NDUFS2: variants seen among roughly 807,000 people sequenced by gnomAD.
NDUFS2 encodes NADH dehydrogenase [ubiquinone] iron-sulfur protein 2, mitochondrial.
Under a neutral mutation model 69.6 loss-of-function variants are expected in NDUFS2, and 38 were observed. The ratio of observed to expected loss-of-function variants is 0.55; its 90% CI spans 0.42 to 0.72. NDUFS2 has a LOEUF of 0.72. Ranked by LOEUF, NDUFS2 falls within the 30% of genes least tolerant of loss-of-function variation. The pLI is 0.00. For missense variants in NDUFS2, 468 were observed against 595.0 expected (o/e 0.79, Z 2.22); for synonymous variants, 194 against 211.2 (o/e 0.92, Z 0.70).
At position 161,213,482 on chromosome 1, in the gene NDUFS2, A is replaced by C. The variant is rs36233987; in HGVS notation, c.1212+7A>C. 1 of 1,606,166 alleles carries C rather than the reference A, an allele frequency of 6.2e-7. No homozygotes were observed. Among genetic ancestry groups the C allele is most frequent in the East Asian group, 2.2e-5 (1 of 44,838 alleles). ...TGCCATTGAGGCTCCCAAGGTAAGG[A>C]GAGGAGGGGAAGGAAAAGACCATAT... On this transcript the variant is annotated splice_region_variant and intron_variant, in intron 11 of 13. Transcript: ENST00000676972.
intron 9 of NDUFS2, among the ~76,000 whole-genome samples, chr1:161,211,463 A>G (rs1437530782): frequency 6.6e-6 from 1 of 152,168 alleles, no homozygotes; most frequent in Non-Finnish European, 1.5e-5. Flanking sequence ...AGCCTGGCCA[A>G]CATGGTGAAA....
chr1:161,201,104 G>C (rs1023040439), upstream of NDUFS2, among the ~76,000 whole-genome samples: 1 of 152,190 alleles, frequency 6.6e-6, no homozygotes, highest in Non-Finnish European at 1.5e-5. Flanking sequence ...AAAGAGCAAG[G>C]AATGAGGACA....
rs1665816345 is a variant in NDUFS2 at position 161,212,332 on chromosome 1, T to C, written c.987-19T>C. Reference sequence around the variant, plus strand: ...GCTCCTCTGACTGTTCTTCTCTTGCTCTGTCTCATCTTCTTGAGGTACCTG... The same window carrying C: ...GCTCCTCTGACTGTTCTTCTCTTGCCCTGTCTCATCTTCTTGAGGTACCTG... On this transcript the variant is annotated intron_variant, in intron 9 of 13. Transcript: ENST00000676972. The C allele has an allele frequency of 1.2e-6, 2 of 1,613,064 alleles. No individual in the cohort carries two copies. Among genetic ancestry groups the C allele is most frequent in the African/African-American group, 1.3e-5 (1 of 74,878 alleles).
At chr1:161,203,016 C>T (rs1665234393) in intron 1 of NDUFS2, among the ~76,000 whole-genome samples, 1 of 152,028 alleles carries the variant, frequency 6.6e-6, no homozygotes, top group Admixed American at 6.6e-5. Context: ...TTAAAAAATC[C>T]AGGACATTGG....
intron 3 of NDUFS2, among the ~76,000 whole-genome samples, chr1:161,208,158 T>C (rs1314196975): frequency 6.6e-6 from 1 of 150,658 alleles, no homozygotes; most frequent in Non-Finnish European, 1.5e-5. Flanking sequence ...CTAATTTCTA[T>C]ATTTTTAGTA....
chr1:161,198,340 C>T (rs1470415008), upstream of NDUFS2: 1 of 1,613,252 alleles, frequency 6.2e-7, no homozygotes, highest in Non-Finnish European at 8.5e-7. The surrounding 1 kb of genome is among the most constrained non-coding windows in gnomAD (Gnocchi z 4.7). Context: ...AGTCCTGCTC[C>T]AGCTCTAGTA....
rs768461499 is a variant in NDUFS2 at position 161,210,657 on chromosome 1, C to T, written c.933C>T (p.Tyr311=). The T allele has an allele frequency of 2.0e-5, 33 of 1,614,014 alleles. No homozygotes were observed. The East Asian group carries it at 2.2e-4, about 11-fold the overall frequency. The change falls in exon 9 of 14, where the codon TAC becomes TAT. Residue 311 remains tyrosine, a synonymous_variant. Transcript: ENST00000676972. ...DLRKTQPYDV[Y]DQVEFDVPVG... is the part of the protein sequence containing the mutation. Reference sequence around the variant, plus strand: ...GGAAGACCCAGCCCTATGATGTTTACGACCAGGTTGAGTTTGATGTTCCTG... The same window carrying T: ...GGAAGACCCAGCCCTATGATGTTTATGACCAGGTTGAGTTTGATGTTCCTG...
At chr1:161,204,522 C>T (rs758442456) in intron 2 of NDUFS2, among the ~76,000 whole-genome samples, 7 of 151,966 alleles carry the variant, frequency 4.6e-5, no homozygotes, top group Admixed American at 3.3e-4. Flanking sequence ...TGATGTTGTC[C>T]CCTTTCCATC....
upstream of NDUFS2, chr1:161,202,197 C>T: frequency 1.5e-6 from 1 of 645,478 alleles, no homozygotes; most frequent in East Asian, 2.8e-5. Context: ...AAGATGACCG[C>T]GGTCACTGTT....
chr1:161,206,992 C>A (rs1391736478), intron 3 of NDUFS2, among the ~76,000 whole-genome samples: 1 of 152,188 alleles, frequency 6.6e-6, no homozygotes, highest in Admixed American at 6.5e-5. Flanking sequence ...TTCCAGCTGT[C>A]TACGTTTGTT....
chr1:161,203,771 A>T, intron 2 of NDUFS2: 1 of 553,310 alleles, frequency 1.8e-6, no homozygotes, highest in Non-Finnish European at 3.3e-6. Flanking sequence ...TAATTTTGAA[A>T]ATTTTCCTTT....
At chr1:161,203,652 G>C (rs895614786) in intron 2 of NDUFS2, 109 bp downstream of exon 2, 2 of 964,498 alleles carry the variant, frequency 2.1e-6, no homozygotes, top group Admixed American at 4.0e-5. Flanking sequence ...CTGGAGTGCA[G>C]TGGTGCGAAA....
intron 3 of NDUFS2, among the ~76,000 whole-genome samples, chr1:161,206,889 T>C (rs1387041807): frequency 1.3e-5 from 2 of 152,200 alleles, no homozygotes; most frequent in Admixed American, 6.5e-5. Context: ...TCCCTGCTCT[T>C]ACGTTAGACT....
At position 161,204,193 on chromosome 1, in the gene NDUFS2, G is replaced by T. The variant is rs1164510433; in HGVS notation, c.202+650G>T. Among the ~76,000 whole-genome samples the T allele has an allele frequency of 2.0e-5, 3 of 152,250 alleles. No homozygotes were observed. In the East Asian group the frequency reaches 5.8e-4, roughly 29 times the overall value. Reference sequence around the variant, plus strand: ...AGACAAGGTGGTGGTTTTCCCGTTGGTAACCAAATGAAACCTACATGAATA... The same window carrying T: ...AGACAAGGTGGTGGTTTTCCCGTTGTTAACCAAATGAAACCTACATGAATA... On this transcript the variant is annotated intron_variant, in intron 2 of 13. Coordinates refer to ENST00000676972, the MANE Select transcript of NDUFS2 (RefSeq NM_001377299.1).
chr1:161,213,840 T>G, intron 12 of NDUFS2, 24 bp from the exon 13 acceptor site: 2 of 1,613,792 alleles, frequency 1.2e-6, no homozygotes, highest in Non-Finnish European at 1.7e-6. Context: ...TTAACTAACA[T>G]TGTTGCCATC....
chr1:161,204,096 C>T (rs537083687), intron 2 of NDUFS2, among the ~76,000 whole-genome samples: 15 of 152,306 alleles, frequency 9.8e-5, no homozygotes, highest in African/African-American at 3.4e-4. Flanking sequence ...AAAGTCCCTA[C>T]CAATTTAAAT....
rs548658319 is a variant in NDUFS2, at chr1:161,207,398, A to G, written c.393+801A>G. 5.0e-4 allele frequency among the ~76,000 whole-genome samples: 76 copies of G among 152,350 alleles called. 1 individual carries two copies. The highest frequency in any genetic ancestry group is 9.1e-4 in the Non-Finnish European group (62 of 68,030). On this transcript the variant is annotated intron_variant, in intron 3 of 13. Coordinates refer to ENST00000676972, the MANE Select transcript of NDUFS2 (RefSeq NM_001377299.1). Reference sequence around the variant, plus strand: ...CTGGAAGCTGAAGCTGGTTCAGCAGACAGCTAGGACTTGGCTTTTTGGCAT... The same window carrying G: ...CTGGAAGCTGAAGCTGGTTCAGCAGGCAGCTAGGACTTGGCTTTTTGGCAT...
chr1:161,210,956 C>A (rs1665738850), intron 9 of NDUFS2, among the ~76,000 whole-genome samples: 1 of 152,178 alleles, frequency 6.6e-6, no homozygotes, highest in African/African-American at 2.4e-5. Flanking sequence ...CTCACTGCAA[C>A]CTCCGCCTCC....
At position 161,209,661 on chromosome 1, in the gene NDUFS2, G is replaced by A. The variant is rs1207128014; in HGVS notation, c.627+66G>A. On this transcript the variant is annotated intron_variant, in intron 5 of 13. Transcript: ENST00000676972. ...CAGGAAGTAGAGAAGGTATAAAGGA[G>A]ACAGGAGATTAAAAGAAGAGAGAGA... 9.5e-6 allele frequency: 13 copies of A among 1,367,088 alleles called. No homozygotes were observed. The South Asian group carries it at 9.7e-5, about 10-fold the overall frequency. 84.7% of individuals were successfully genotyped at this position (1,367,088 alleles called of 1,614,324 possible). A position where few individuals can be genotyped will look rare whatever the true frequency, so the allele number is the denominator to read the frequency against.
Sources: gnomAD v4.1 joint callset for allele counts (sites outside exome capture counted in the v4.1 genomes callset) on GRCh38, gnomAD v4.1.1 for gene constraint, Gnocchi (gnomAD v3.1) non-coding constraint, MANE v1.5 for transcripts, NCBI Gene and HGNC (gene_info 2026-07-23, HGNC 2026-07-21) for gene names.